PPP2R5E: variants seen among roughly 807,000 people sequenced by gnomAD.
PPP2R5E encodes the protein protein phosphatase 2 regulatory subunit B'epsilon, also known as serine/threonine-protein phosphatase 2A 56 kDa regulatory subunit epsilon isoform.
In PPP2R5E, 4 loss-of-function variants were observed where a neutral mutation model predicts 65.3. The ratio of observed to expected loss-of-function variants is 0.06; its 90% CI spans 0.03 to 0.14. The LOEUF (loss-of-function observed/expected upper bound fraction) is 0.14. PPP2R5E is among the 10% of genes least tolerant of loss of function. The pLI is 1.00. For synonymous variants in PPP2R5E, 183 were observed against 187.4 expected, an observed-to-expected ratio of 0.98 and a Z score of 0.19; for missense variants, 274 against 556.1, an observed-to-expected ratio of 0.49 and a Z score of 5.10.
At chr14:63,449,872 ATTTTTTTTTTTT>A (rs35931655) in intron 3 of PPP2R5E, among the ~76,000 whole-genome samples, 1 of 105,412 alleles carries the variant, frequency 9.5e-6, no homozygotes, top group Non-Finnish European at 1.9e-5. Flanking sequence ...TTCTTTTCCT[ATTTTTTTTTTTT>A]TTTTTTTTTG....
intron 10 of PPP2R5E, among the ~76,000 whole-genome samples, chr14:63,390,326 A>ACC (rs1884945536): frequency 6.7e-6 from 1 of 149,822 alleles, no homozygotes; most frequent in South Asian, 2.1e-4. Context: ...ACACACACAC[A>ACC]CACACACACG....
At chr14:63,424,982 A>G (rs1887253117) in intron 3 of PPP2R5E, among the ~76,000 whole-genome samples, 5 of 152,200 alleles carry the variant, frequency 3.3e-5, no homozygotes, top group Admixed American at 2.6e-4. Context: ...TGGTGGTCCT[A>G]TGAAGTGTAC....
chr14:63,420,195 A>T (rs1886926826), intron 4 of PPP2R5E, among the ~76,000 whole-genome samples: 1 of 152,174 alleles, frequency 6.6e-6, no homozygotes, highest in Non-Finnish European at 1.5e-5. Context: ...CTTTGAAGAC[A>T]TCTCTTTCCT....
At chr14:63,382,002 G>A in intron 13 of PPP2R5E, 54 bp downstream of exon 13, 1 of 1,439,552 alleles carries the variant, frequency 6.9e-7, no homozygotes, top group Non-Finnish European at 9.5e-7. Flanking sequence ...CAAAGAGCAA[G>A]GAAAAAACTC....
intron 2 of PPP2R5E, among the ~76,000 whole-genome samples, chr14:63,486,791 T>C (rs1343061170): frequency 2.0e-5 from 3 of 152,140 alleles, no homozygotes; most frequent in Non-Finnish European, 2.9e-5. Context: ...ACTCCAGCCT[T>C]TCTCTCCAAC....
At chr14:63,421,039 C>T (rs1191415048) in intron 4 of PPP2R5E, among the ~76,000 whole-genome samples, 7 of 65,832 alleles carry the variant, frequency 1.1e-4, no homozygotes, top group Non-Finnish European at 1.4e-4. Flanking sequence ...GGCGACAGAG[C>T]GAGACTCCGT....
chr14:63,469,474 C>T (rs1339477879), intron 2 of PPP2R5E, among the ~76,000 whole-genome samples: 1 of 152,122 alleles, frequency 6.6e-6, no homozygotes, highest in Non-Finnish European at 1.5e-5. Context: ...GGGCTGATCA[C>T]GAGGTCAGGA....
intron 2 of PPP2R5E, among the ~76,000 whole-genome samples, chr14:63,536,247 G>T (rs984143543): frequency 1.3e-5 from 2 of 152,122 alleles, no homozygotes; most frequent in Non-Finnish European, 2.9e-5. Context: ...TGAGAAAAAG[G>T]ATACAGAAAT....
chr14:63,542,612 G>A (rs1893946206), intron 1 of PPP2R5E, among the ~76,000 whole-genome samples, 167 bp downstream of exon 1: 1 of 152,138 alleles, frequency 6.6e-6, no homozygotes, highest in Non-Finnish European at 1.5e-5. Flanking sequence ...GCATTTGTAG[G>A]TAAATCAGAC....
At position 63,396,556 on chromosome 14, in the gene PPP2R5E, C is replaced by CT. The variant is rs762074132; in HGVS notation, c.680+29dup. ...ACTCATAAAAACACCAACTTTGCTT[C>CT]TCCTTCTTCCCCCATCACACTCCAC... On this transcript the variant is annotated intron_variant, in intron 6 of 13. Coordinates refer to ENST00000337537, the MANE Select transcript of PPP2R5E (RefSeq NM_006246.5). 3 of 1,606,574 alleles carry CT rather than the reference C, an allele frequency of 1.9e-6. No homozygotes were observed. The South Asian group carries it at 3.3e-5, about 18-fold the overall frequency.
intron 2 of PPP2R5E, among the ~76,000 whole-genome samples, chr14:63,483,411 A>C (rs368558194): frequency 6.9e-6 from 1 of 144,668 alleles, no homozygotes. Flanking sequence ...ATCTGAGCCA[A>C]CTCTTGAGAG....
rs943998223 is a variant in PPP2R5E at position 63,374,018 on chromosome 14, A to C, written c.*1991T>G. ...TCAATGTTCTTTAAAAAAAAAAAAAAAAAAACTATTAATTCCATTAAACCA... is the reference window on the plus strand; with the variant it reads ...TCAATGTTCTTTAAAAAAAAAAAAACAAAAACTATTAATTCCATTAAACCA... On this transcript the variant is annotated 3_prime_UTR_variant, in exon 14 of 14. Transcript: ENST00000337537. 2.6e-5 allele frequency: 4 copies of C among 151,490 alleles called. No homozygotes were observed. Among genetic ancestry groups the C allele is most frequent in the South Asian group, 4.2e-4 (2 of 4,818 alleles). 9.4% of individuals were successfully genotyped at this position (151,490 alleles called of 1,614,324 possible). A position where few individuals can be genotyped will look rare whatever the true frequency, so the allele number is the denominator to read the frequency against.
In PPP2R5E at chr14:63,495,785, C is replaced by T. The variant is rs148319695; in HGVS notation, c.158-41900G>A. Among the ~76,000 whole-genome samples the T allele has an allele frequency of 5.6e-3, 853 of 151,764 alleles. 11 individuals carry two copies. The highest frequency in any genetic ancestry group is 0.019 in the African/African-American group (800 of 41,402). On this transcript the variant is annotated intron_variant, in intron 2 of 13. Transcript: ENST00000337537. Reference sequence around the variant, plus strand: ...GGCTCATTGCAGCCTCAACCTCCTGCGTGCAAATGATCCTCCTGCCTCAGC... The same window carrying T: ...GGCTCATTGCAGCCTCAACCTCCTGTGTGCAAATGATCCTCCTGCCTCAGC...
At chr14:63,472,534 G>A (rs1890184005) in intron 2 of PPP2R5E, among the ~76,000 whole-genome samples, 1 of 152,196 alleles carries the variant, frequency 6.6e-6, no homozygotes, top group African/African-American at 2.4e-5. Context: ...ATGATTTGGA[G>A]TCTAACTGAG....
chr14:63,539,925 A>C (rs1893819257), intron 1 of PPP2R5E, among the ~76,000 whole-genome samples: 1 of 151,738 alleles, frequency 6.6e-6, no homozygotes, highest in Non-Finnish European at 1.5e-5. Flanking sequence ...CAGGAGTTCA[A>C]GACCAACCTG....
At chr14:63,411,100 C>G (rs867061044) in intron 5 of PPP2R5E, among the ~76,000 whole-genome samples, 1 of 152,188 alleles carries the variant, frequency 6.6e-6, no homozygotes, top group Admixed American at 6.5e-5. Context: ...TAGCTCTAGA[C>G]GTTCACTAAT....
chr14:63,499,510 A>G (rs1395331284), intron 2 of PPP2R5E, among the ~76,000 whole-genome samples: 1 of 152,152 alleles, frequency 6.6e-6, no homozygotes, highest in Non-Finnish European at 1.5e-5. Flanking sequence ...GGATCACCTG[A>G]AGTCAGGAGT....
chr14:63,429,669 GTTTTTGT>G (rs562838814), intron 3 of PPP2R5E, among the ~76,000 whole-genome samples: 84 of 150,904 alleles, frequency 5.6e-4, no homozygotes, highest in African/African-American at 1.4e-3. Context: ...TTGTTTGTTT[GTTTTTGT>G]TTTTTGTTTT....
intron 3 of PPP2R5E, among the ~76,000 whole-genome samples, chr14:63,442,371 C>A (rs1051905595): frequency 6.6e-6 from 1 of 152,054 alleles, no homozygotes; most frequent in Non-Finnish European, 1.5e-5. Flanking sequence ...TATAAACAGT[C>A]CACCCTCACC....
Sources: allele counts gnomAD v4.1 joint callset (sites outside exome capture counted in the v4.1 genomes callset), GRCh38; gene constraint gnomAD v4.1.1; transcripts MANE v1.5; gene names NCBI Gene and HGNC (gene_info 2026-07-23, HGNC 2026-07-21).